Variants in PRELID2 observed in about 807,000 individuals in gnomAD.
PRELID2 encodes PRELI domain containing 2.
PRELID2 carries 25 observed loss-of-function variants against 28.4 expected under a neutral mutation model. The ratio of observed to expected loss-of-function variants is 0.88; its 90% CI spans 0.64 to 1.23. PRELID2 has a LOEUF of 1.23. Among genes scored for constraint, PRELID2 ranks in the 50% most tolerant of loss-of-function variants. The pLI is 0.00. For missense variants in PRELID2, 201 were observed against 214.4 expected, an observed-to-expected ratio of 0.94 and a Z score of 0.39; for synonymous variants, 76 against 71.6, an observed-to-expected ratio of 1.06 and a Z score of -0.31.
chr5:145,355,956 A>G, the PRELID2 span, among the ~76,000 whole-genome samples: 1 of 152,112 alleles, frequency 6.6e-6, no homozygotes, highest in East Asian at 1.9e-4. Context: ...TACTCCACTC[A>G]TGAAGAGAGC....
At chr5:145,311,423 C>T in the PRELID2 span, among the ~76,000 whole-genome samples, 5 of 152,136 alleles carry the variant, frequency 3.3e-5, no homozygotes, top group African/African-American at 4.8e-5. Flanking sequence ...AGAAGCCTCA[C>T]ATTTTATCTT....
intron 1 of PRELID2, among the ~76,000 whole-genome samples, chr5:145,693,550 C>A (rs149383643): frequency 5.3e-4 from 80 of 152,138 alleles, no homozygotes; most frequent in African/African-American, 1.9e-3. Flanking sequence ...TAAAGGACCA[C>A]TTGAGGCCAG....
chr5:145,557,031 T>A (rs1208969024), intron 1 of PRELID2, among the ~76,000 whole-genome samples: 1 of 152,196 alleles, frequency 6.6e-6, no homozygotes, highest in African/African-American at 2.4e-5. Flanking sequence ...ACTTTAAAGT[T>A]GTGTGATAAT....
rs79416780 is a variant in PRELID2, at chr5:145,677,040, G to C, written n.70+87891C>G. ...GTGAGAAAGCATTTCTGTAGCAGCT[G>C]AGAAAATTTTAACACGGTGTAATAT... On this transcript the variant is annotated intron_variant and non_coding_transcript_variant, in intron 1 of 2. Coordinates refer to the PRELID2 transcript ENST00000510259. Among the ~76,000 whole-genome samples, 582 of 151,678 alleles carry C rather than the reference G, an allele frequency of 3.8e-3. 2 individuals carry two copies. Among genetic ancestry groups the C allele is most frequent in the African/African-American group, 0.013 (543 of 41,402 alleles).
the PRELID2 span, among the ~76,000 whole-genome samples, chr5:145,418,517 ATGGTATAAGAACAG>A: frequency 3.3e-5 from 5 of 152,180 alleles, no homozygotes; most frequent in South Asian, 2.1e-4. Context: ...CCAAAACAGC[ATGGTATAAGAACAG>A]TGGTATAAGA....
intron 1 of PRELID2, among the ~76,000 whole-genome samples, chr5:145,712,960 G>C (rs1755736086): frequency 6.6e-6 from 1 of 151,944 alleles, no homozygotes; most frequent in South Asian, 2.1e-4. Context: ...GAAAGGGTCA[G>C]TCAAGCTAAA....
chr5:145,525,520 G>A (rs1235632363), intron 1 of PRELID2, among the ~76,000 whole-genome samples: 1 of 152,156 alleles, frequency 6.6e-6, no homozygotes, highest in Non-Finnish European at 1.5e-5. Flanking sequence ...AACAGGGAAA[G>A]CCCACTACAA....
the PRELID2 span, among the ~76,000 whole-genome samples, chr5:145,345,822 AC>A: frequency 1.2e-4 from 18 of 146,368 alleles, 1 homozygote; most frequent in East Asian, 3.1e-3. Flanking sequence ...ACCACCCCGC[AC>A]CCCCGCCCCA....
the PRELID2 span, among the ~76,000 whole-genome samples, chr5:145,429,608 G>A: frequency 6.6e-6 from 1 of 152,188 alleles, no homozygotes; most frequent in South Asian, 2.1e-4. Flanking sequence ...ACAGGGAAGT[G>A]CGGAAGTCCA....
intron 6 of PRELID2, among the ~76,000 whole-genome samples, 158 bp from the exon 7 acceptor site, chr5:145,760,683 G>A (rs1757432434): frequency 6.6e-6 from 1 of 152,010 alleles, no homozygotes; most frequent in South Asian, 2.1e-4. Context: ...AATGATCTTC[G>A]AACAAGGCAA....
intron 1 of PRELID2, among the ~76,000 whole-genome samples, chr5:145,502,922 G>A (rs1015927606): frequency 3.3e-5 from 5 of 151,792 alleles, no homozygotes; most frequent in African/African-American, 1.2e-4. Context: ...TGAAAGATAG[G>A]CTGACTACTA....
chr5:145,421,437 C>G, the PRELID2 span, among the ~76,000 whole-genome samples: 389 of 149,974 alleles, frequency 2.6e-3, no homozygotes, highest in Non-Finnish European at 4.6e-3. Context: ...TTCAGGGATT[C>G]AACTTCTTCC....
chr5:145,504,796 G>T (rs1191994653), intron 1 of PRELID2, among the ~76,000 whole-genome samples: 1 of 152,018 alleles, frequency 6.6e-6, no homozygotes, highest in Admixed American at 6.6e-5. Flanking sequence ...TACTTCATTT[G>T]CATATAACTT....
chr5:145,395,138 C>T, the PRELID2 span, among the ~76,000 whole-genome samples: 2 of 152,138 alleles, frequency 1.3e-5, no homozygotes, highest in African/African-American at 4.8e-5. Flanking sequence ...ATCTTTACAA[C>T]CCCTCCACGA....
intron 1 of PRELID2, among the ~76,000 whole-genome samples, chr5:145,632,801 G>C (rs1419955863): frequency 6.6e-6 from 1 of 152,120 alleles, no homozygotes; most frequent in Non-Finnish European, 1.5e-5. Flanking sequence ...GGATTTTTCA[G>C]ATAAAATTAA....
chr5:145,753,726 G>T (rs554602616), downstream of PRELID2, among the ~76,000 whole-genome samples: 162 of 152,292 alleles, frequency 1.1e-3, 1 homozygote, highest in African/African-American at 3.6e-3. Flanking sequence ...AAACCAGAAA[G>T]AATCTCTGAG....
At chr5:145,335,300 T>C in the PRELID2 span, among the ~76,000 whole-genome samples, 1 of 152,026 alleles carries the variant, frequency 6.6e-6, no homozygotes, top group Non-Finnish European at 1.5e-5. Context: ...TTCAGCTTCT[T>C]CTGTTTAGTC....
chr5:145,711,773 C>G (rs903648120), intron 1 of PRELID2, among the ~76,000 whole-genome samples: 3 of 152,052 alleles, frequency 2.0e-5, no homozygotes, highest in Admixed American at 6.6e-5. Flanking sequence ...AGAGAAATTG[C>G]TCACAGGCAC....
chr5:145,233,504 C>A, the PRELID2 span, among the ~76,000 whole-genome samples: 3 of 152,092 alleles, frequency 2.0e-5, no homozygotes, highest in African/African-American at 7.2e-5. Context: ...TCACCACAAC[C>A]CTGTTGGACA....
Sources: gnomAD v4.1 joint callset for allele counts (sites outside exome capture counted in the v4.1 genomes callset) on GRCh38, gnomAD v4.1.1 for gene constraint, MANE v1.5 for transcripts, NCBI Gene and HGNC (gene_info 2026-07-23, HGNC 2026-07-21) for gene names.